The following CCDC124 variants were observed in gnomAD, a reference collection of about 807,000 sequenced individuals.
The protein encoded by CCDC124 is coiled-coil domain containing 124.
Under a neutral mutation model 19.8 loss-of-function variants are expected in CCDC124, and 9 were observed. The observed-to-expected ratio is 0.45, with a 90% CI of 0.27 to 0.79. CCDC124 has a LOEUF of 0.79. Ranked by LOEUF, CCDC124 falls within the 30% of genes least tolerant of loss-of-function variation. The pLI, the probability that CCDC124 is intolerant of heterozygous loss-of-function variation, is 0.14. For synonymous variants in CCDC124, 126 were observed against 131.3 expected (o/e 0.96, Z 0.27); for missense variants, 285 against 319.0 (o/e 0.89, Z 0.81).
At chr19:17,939,629 C>T (rs2031134015) in intron 2 of CCDC124, among the ~76,000 whole-genome samples, 1 of 143,758 alleles carries the variant, frequency 7.0e-6, no homozygotes, top group East Asian at 2.0e-4. Context: ...TGTTAAGAGG[C>T]TTTTTTTTTT....
Position 17,943,242 on chromosome 19 carries a change from C to CGGGGGGGGGGG in CCDC124, c.350-19_350-18insGGGGGGGGGGG. Reference sequence around the variant, plus strand: ...TTTGCTTATCTCTCTCTGTCTCTGTCACCCACCCACCCGCCCAGCCGAGAA... The same window carrying CGGGGGGGGGGG: ...TTTGCTTATCTCTCTCTGTCTCTGTCGGGGGGGGGGGACCCACCCACCCGCCCAGCCGAGAA... On this transcript the variant is annotated intron_variant, in intron 3 of 4. Transcript: ENST00000445755. The CGGGGGGGGGGG allele has an allele frequency of 1.4e-6, 1 of 734,676 alleles. No individual in the cohort carries two copies. Among genetic ancestry groups the CGGGGGGGGGGG allele is most frequent in the Non-Finnish European group, 2.4e-6 (1 of 419,644 alleles). 45.5% of individuals were successfully genotyped at this position (734,676 alleles called of 1,614,324 possible).
intron 2 of CCDC124, among the ~76,000 whole-genome samples, chr19:17,939,266 G>A (rs149392644): frequency 1.3e-5 from 2 of 151,958 alleles, no homozygotes; most frequent in East Asian, 1.9e-4. Flanking sequence ...GTGGTGGCGC[G>A]CACCTGTAGT....
chr19:17,936,414 C>A lies in CCDC124; in HGVS notation c.-7C>A. 6.2e-7 allele frequency: 1 copy of A among 1,608,784 alleles called. No individual in the cohort carries two copies. Among genetic ancestry groups the A allele is most frequent in the South Asian group, 1.1e-5 (1 of 90,808 alleles). ...ATCCCCATCCTCTTCCCGCAGCCTG[C>A]TGAGGGATGCCCAAGAAGTTCCAGG... On this transcript the variant is annotated 5_prime_UTR_variant, in exon 2 of 5. In the 5' UTR this introduces an upstream ATG that the reference lacks. Transcript: ENST00000445755.
chr19:17,942,596 G>C lies in CCDC124; in HGVS notation c.160-60G>C, dbSNP rs2031207376. ...GCTGAGATGAAAACTCGAACCCCAG[G>C]CTAGTGGGTGGCGCGGGGGTGTGGG... On this transcript the variant is annotated intron_variant, in intron 2 of 4. Coordinates refer to ENST00000445755, the MANE Select transcript of CCDC124 (RefSeq NM_001136203.2). This position sits in a 1 kb window ranked among gnomAD's most constrained non-coding sequence, Gnocchi z 4.2. 1.3e-6 allele frequency: 2 copies of C among 1,525,258 alleles called. No individual in the cohort carries two copies. The highest frequency in any genetic ancestry group is 1.8e-6 in the Non-Finnish European group (2 of 1,129,426). The allele number at this position is 1,525,258 out of a possible 1,614,324, so 94.5% of individuals were successfully genotyped here.
chr19:17,938,547 C>G (rs1424239926), intron 2 of CCDC124, among the ~76,000 whole-genome samples: 1 of 152,160 alleles, frequency 6.6e-6, no homozygotes, highest in Non-Finnish European at 1.5e-5. Context: ...ACAACATGCC[C>G]AGTTCTTGGG....
At chr19:17,935,178 C>T (rs893970239) in intron 1 of CCDC124, 14 of 152,620 alleles carry the variant, frequency 9.2e-5, no homozygotes, top group African/African-American at 3.4e-4. Context: ...TCCCAAAGCA[C>T]GGGGATTACA....
chr19:17,943,681 A>G lies in CCDC124; in HGVS notation c.638A>G (p.Asn213Ser). The change falls in exon 5 of 5, where the codon AAC becomes AGC. Residue 213 changes from asparagine to serine, a missense_variant. By Grantham distance (46) the Asn-to-Ser change is conservative. Transcript: ENST00000445755. The stretch of plus-strand genomic sequence containing the variant: ...CTCCGCTCTCCTGACAACCCCATGA[A>G]CCAGCGGGCCGTGCCCTTCAATGCC... ...EWLRSPDNPM[N>S]QRAVPFNAPK 1 of 1,612,806 alleles carries G rather than the reference A, an allele frequency of 6.2e-7. No individual in the cohort carries two copies. Among genetic ancestry groups the G allele is most frequent in the Non-Finnish European group, 8.5e-7 (1 of 1,179,914 alleles).
In CCDC124 at chr19:17,942,717, TGGA is replaced by T. The variant is rs770700367; in HGVS notation, c.231_233del (p.Glu77del). On this transcript the variant is annotated inframe_deletion, in exon 3 of 5. Transcript: ENST00000445755. This position sits in a 1 kb window ranked among gnomAD's most constrained non-coding sequence, Gnocchi z 4.2. ...CGTAAGAAGGAGACGCAGCGCCTAC[TGGA>T]GGAGGAGGACTCCAAGCTCAAGGGC... 1 of 1,552,914 alleles carries T rather than the reference TGGA, an allele frequency of 6.4e-7. No homozygotes were observed. The highest frequency in any genetic ancestry group is 2.4e-5 in the East Asian group (1 of 41,742).
rs1481923612 is a variant in CCDC124, at chr19:17,943,801, A to C, written c.*86A>C. 6 of 1,379,650 alleles carry C rather than the reference A, an allele frequency of 4.3e-6. No homozygotes were observed. The highest frequency in any genetic ancestry group is 6.0e-6 in the Non-Finnish European group (6 of 995,224). 85.5% of individuals were successfully genotyped at this position (1,379,650 alleles called of 1,614,324 possible). The stretch of plus-strand genomic sequence containing the variant: ...TTAGGCCAGGTCAGCTGCGAGGGTC[A>C]CAGAGCGTTCCGGGGGCCAAGGCGC... On this transcript the variant is annotated 3_prime_UTR_variant, in exon 5 of 5. Transcript: ENST00000445755.
At chr19:17,939,922 CTTTT>C (rs368842369) in intron 2 of CCDC124, among the ~76,000 whole-genome samples, 2 of 117,310 alleles carry the variant, frequency 1.7e-5, no homozygotes, top group Non-Finnish European at 1.8e-5. Flanking sequence ...CGCACCTGGC[CTTTT>C]TTTTTTTTTT....
Position 17,943,529 on chromosome 19 carries a change from C to A in CCDC124, c.486C>A (p.Asp162Glu), listed in dbSNP as rs758202188. The stretch of plus-strand genomic sequence containing the variant: ...CCAGCGTGGCGGAGGAGGCGGCCGA[C>A]CGGCACCCAGAAAGACGCATGCGGG... ...AVLSVAEEAA[D>E]RHPERRMRAA... The change falls in exon 5 of 5, where the codon GAC becomes GAA. Residue 162 changes from aspartate to glutamate, a missense_variant. Physicochemically the swap from Asp to Glu is conservative, Grantham distance 45. Transcript: ENST00000445755. 7.4e-6 allele frequency: 12 copies of A among 1,611,974 alleles called. No individual in the cohort carries two copies. Among genetic ancestry groups the A allele is most frequent in the Non-Finnish European group, 8.5e-6 (10 of 1,179,764 alleles).
In CCDC124 at chr19:17,942,596, G is replaced by A. The variant is rs2031207376; in HGVS notation, c.160-60G>A. The A allele has an allele frequency of 6.6e-7, 1 of 1,525,140 alleles. No individual in the cohort carries two copies. Among genetic ancestry groups the A allele is most frequent in the Non-Finnish European group, 8.9e-7 (1 of 1,129,434 alleles). 94.5% of individuals were successfully genotyped at this position (1,525,140 alleles called of 1,614,324 possible). On this transcript the variant is annotated intron_variant, in intron 2 of 4. Coordinates refer to ENST00000445755, the MANE Select transcript of CCDC124 (RefSeq NM_001136203.2). This position sits in a 1 kb window ranked among gnomAD's most constrained non-coding sequence, Gnocchi z 4.2. ...GCTGAGATGAAAACTCGAACCCCAG[G>A]CTAGTGGGTGGCGCGGGGGTGTGGG...
Position 17,936,493 on chromosome 19 carries a change from G to T in CCDC124, c.73G>T (p.Ala25Ser), listed in dbSNP as rs751240434. The T allele has an allele frequency of 2.7e-5, 43 of 1,613,174 alleles. No individual in the cohort carries two copies. The highest frequency in any genetic ancestry group is 3.6e-5 in the Non-Finnish European group (43 of 1,179,744). Residue 25 changes from alanine (A) to serine (S), a missense_variant, in exon 2 of 5, where the codon GCC becomes TCC. By Grantham distance (99) the Ala-to-Ser change is moderately conservative (BLOSUM62 1). Transcript: ENST00000445755. ...ARARRAEAKAAADAKKQKELE... is the reference protein window; with the variant it reads ...ARARRAEAKASADAKKQKELE... ...GGCACGTAGGGCAGAGGCCAAGGCG[G>T]CCGCTGATGCCAAGAAGCAGAAGGA...
intron 2 of CCDC124, among the ~76,000 whole-genome samples, chr19:17,937,875 G>A (rs1451018969): frequency 1.3e-5 from 2 of 151,946 alleles, no homozygotes; most frequent in African/African-American, 4.8e-5. Flanking sequence ...CTGGAATTAC[G>A]GGCATGTGCC....
intron 1 of CCDC124, among the ~76,000 whole-genome samples, chr19:17,934,938 CAG>C (rs2031028275): frequency 6.7e-6 from 1 of 148,254 alleles, no homozygotes; most frequent in African/African-American, 2.5e-5. Context: ...TTTTAAGAGA[CAG>C]GGTCTTGTTC....
In CCDC124 at chr19:17,943,800, C is replaced by A. The variant is rs1176437891; in HGVS notation, c.*85C>A. On this transcript the variant is annotated 3_prime_UTR_variant, in exon 5 of 5. Coordinates refer to ENST00000445755, the MANE Select transcript of CCDC124 (RefSeq NM_001136203.2). ...CTTAGGCCAGGTCAGCTGCGAGGGT[C>A]ACAGAGCGTTCCGGGGGCCAAGGCG... 6 of 1,384,712 alleles carry A rather than the reference C, an allele frequency of 4.3e-6. No individual in the cohort carries two copies. The highest frequency in any genetic ancestry group is 6.0e-6 in the Non-Finnish European group (6 of 999,236). 85.8% of individuals were successfully genotyped at this position (1,384,712 alleles called of 1,614,324 possible).
Position 17,936,500 on chromosome 19 carries a change from A to T in CCDC124, c.80A>T (p.Asp27Val). The change falls in exon 2 of 5, where the codon GAT (aspartate) becomes GTT (valine). Residue 27 changes from aspartate (D) to valine (V), a missense_variant. Coordinates refer to ENST00000445755, the MANE Select transcript of CCDC124 (RefSeq NM_001136203.2). ...ARRAEAKAAA[D>V]AKKQKELEDA... Reference sequence around the variant, plus strand: ...AGGGCAGAGGCCAAGGCGGCCGCTGATGCCAAGAAGCAGAAGGAGCTGGAG... The same window carrying T: ...AGGGCAGAGGCCAAGGCGGCCGCTGTTGCCAAGAAGCAGAAGGAGCTGGAG... 1.2e-6 allele frequency: 2 copies of T among 1,613,448 alleles called. No individual in the cohort carries two copies. The highest frequency in any genetic ancestry group is 1.7e-6 in the Non-Finnish European group (2 of 1,179,814).
chr19:17,943,205 G>A (rs1008030842), intron 3 of CCDC124, 56 bp from the exon 4 acceptor site: 9 of 1,358,376 alleles, frequency 6.6e-6, no homozygotes, highest in Non-Finnish European at 2.0e-6. Flanking sequence ...CATCTCCTTG[G>A]AACTGTGCAT....
Position 17,943,242 on chromosome 19 carries a change from C to CGGGGGCG in CCDC124, c.350-19_350-18insGGGGGCG. The stretch of plus-strand genomic sequence containing the variant: ...TTTGCTTATCTCTCTCTGTCTCTGT[C>CGGGGGCG]ACCCACCCACCCGCCCAGCCGAGAA... On this transcript the variant is annotated intron_variant, in intron 3 of 4. Coordinates refer to ENST00000445755, the MANE Select transcript of CCDC124 (RefSeq NM_001136203.2). 1 of 734,676 alleles carries CGGGGGCG rather than the reference C, an allele frequency of 1.4e-6. No homozygotes were observed. The highest frequency in any genetic ancestry group is 2.4e-6 in the Non-Finnish European group (1 of 419,644). The allele number at this position is 734,676 out of a possible 1,614,324, so 45.5% of individuals were successfully genotyped here.
Sources: allele counts gnomAD v4.1 joint callset (sites outside exome capture counted in the v4.1 genomes callset), GRCh38; gene constraint gnomAD v4.1.1; non-coding constraint Gnocchi (gnomAD v3.1); transcripts MANE v1.5; gene names NCBI Gene and HGNC (gene_info 2026-07-23, HGNC 2026-07-21).